Variants in PLCH1 observed in about 807,000 individuals in gnomAD.
PLCH1 encodes the protein 1-phosphatidylinositol 4,5-bisphosphate phosphodiesterase eta-1.
In PLCH1, 60 loss-of-function variants were observed where a neutral mutation model predicts 126.7. The observed-to-expected ratio is 0.47, with a 90% CI of 0.38 to 0.59. The LOEUF is 0.59. Among genes scored for constraint, PLCH1 ranks in the 20% least tolerant of loss-of-function variants. The pLI is 0.00. For synonymous variants in PLCH1, 719 were observed against 734.9 expected, an observed-to-expected ratio of 0.98 and a Z score of 0.35; for missense variants, 1,723 against 2,040.0, an observed-to-expected ratio of 0.84 and a Z score of 2.99.
At chr3:155,729,694 T>C (rs759167110) in intron 1 of PLCH1, among the ~76,000 whole-genome samples, 14 of 152,080 alleles carry the variant, frequency 9.2e-5, no homozygotes, top group Non-Finnish European at 2.1e-4. Flanking sequence ...GAGGCTGAGG[T>C]GGCAGATGGC....
intron 2 of PLCH1, among the ~76,000 whole-genome samples, chr3:155,618,130 G>A (rs1352982920): frequency 6.6e-6 from 1 of 152,120 alleles, no homozygotes; most frequent in Non-Finnish European, 1.5e-5. Context: ...AAACAAATTG[G>A]TTCTACCATG....
intron 14 of PLCH1, among the ~76,000 whole-genome samples, chr3:155,498,859 T>C (rs1351301108): frequency 6.6e-6 from 1 of 152,160 alleles, no homozygotes; most frequent in East Asian, 1.9e-4. Context: ...ACCACCACTC[T>C]CTTCTGCAGT....
intron 15 of PLCH1, 127 bp from the exon 16 acceptor site, chr3:155,494,644 A>C (rs1363067993): frequency 2.8e-6 from 2 of 722,212 alleles, no homozygotes; most frequent in Non-Finnish European, 2.3e-6. Flanking sequence ...GAGTGGATTC[A>C]ACCAGAGTAG....
chr3:155,588,284 A>T (rs1731640525), intron 4 of PLCH1, among the ~76,000 whole-genome samples: 1 of 152,112 alleles, frequency 6.6e-6, no homozygotes, highest in Non-Finnish European at 1.5e-5. Context: ...ACCTCATTTT[A>T]TATGACCCCT....
chr3:155,469,546 A>G (rs370513488), intron 21 of PLCH1, among the ~76,000 whole-genome samples: 89 of 152,222 alleles, frequency 5.8e-4, no homozygotes, highest in Non-Finnish European at 8.7e-4. Context: ...CAAAGCAGCC[A>G]GGAAGCTCAA....
intron 2 of PLCH1, among the ~76,000 whole-genome samples, chr3:155,644,839 G>A (rs2203885): frequency 0.51 from 77,301 of 151,978 alleles, 22,715 homozygotes; most frequent in African/African-American, 0.8. Context: ...TCCTTTTTTA[G>A]AAATCAAATC....
rs150761155 is a variant in PLCH1 at position 155,667,193 on chromosome 3, T to C, written c.79+36953A>G. ...AAAAGCTCAGCCACTATTAGAACTTTCGCTTGTCTTTTGCTATAATTTTAT... is the reference window on the plus strand; with the variant it reads ...AAAAGCTCAGCCACTATTAGAACTTCCGCTTGTCTTTTGCTATAATTTTAT... On this transcript the variant is annotated intron_variant, in intron 2 of 22. Coordinates refer to ENST00000460012, the MANE Select transcript of PLCH1 (RefSeq NM_014996.4). 7.0e-3 allele frequency among the ~76,000 whole-genome samples: 1,064 copies of C among 152,286 alleles called. 6 individuals are homozygous for C. The highest frequency in any genetic ancestry group is 0.021 in the South Asian group (101 of 4,824).
chr3:155,514,618 C>A, intron 12 of PLCH1, 105 bp downstream of exon 12: 1 of 710,170 alleles, frequency 1.4e-6, no homozygotes, highest in Non-Finnish European at 2.1e-6. Context: ...AAAATGAGGA[C>A]AGAAATAGAA....
At chr3:155,650,657 A>G (rs1740607139) in intron 2 of PLCH1, among the ~76,000 whole-genome samples, 1 of 152,260 alleles carries the variant, frequency 6.6e-6, no homozygotes, top group Admixed American at 6.5e-5. Flanking sequence ...CTCATATTCA[A>G]TGAGCTATTA....
chr3:155,470,459 C>G (rs2107982117), intron 21 of PLCH1, among the ~76,000 whole-genome samples: 1 of 152,138 alleles, frequency 6.6e-6, no homozygotes, highest in East Asian at 1.9e-4. Context: ...ATTGGTGTAC[C>G]TGAAAGTGAT....
At chr3:155,553,222 C>A (rs1440490069) in intron 9 of PLCH1, among the ~76,000 whole-genome samples, 5 of 152,202 alleles carry the variant, frequency 3.3e-5, no homozygotes, top group African/African-American at 1.2e-4. Context: ...TCAAGCAAAT[C>A]TCATGCCTCA....
chr3:155,721,632 T>G (rs1460711309), intron 1 of PLCH1, among the ~76,000 whole-genome samples: 2 of 152,216 alleles, frequency 1.3e-5, no homozygotes, highest in Non-Finnish European at 2.9e-5. Flanking sequence ...TTTCTAGGTG[T>G]ACAATCATAT....
chr3:155,707,576 C>G (rs1437977403), intron 1 of PLCH1, among the ~76,000 whole-genome samples: 2 of 151,766 alleles, frequency 1.3e-5, no homozygotes, highest in Non-Finnish European at 2.9e-5. Context: ...GTAATCCCAG[C>G]TACTCGGGAG....
intron 21 of PLCH1, among the ~76,000 whole-genome samples, chr3:155,486,513 G>GTT (rs397733786): frequency 0.011 from 1,150 of 101,910 alleles, 1 homozygote; most frequent in Non-Finnish European, 0.015. Context: ...GCTCAAGTTT[G>GTT]TTTTTTTTTT....
chr3:155,600,602 TAAA>T (rs5853725), intron 2 of PLCH1, among the ~76,000 whole-genome samples: 15 of 128,206 alleles, frequency 1.2e-4, no homozygotes, highest in East Asian at 2.5e-4. Flanking sequence ...TTAAGATAGC[TAAA>T]AAAAAAAAAA....
intron 4 of PLCH1, among the ~76,000 whole-genome samples, chr3:155,587,858 T>C (rs1731589116): frequency 1.3e-5 from 2 of 152,282 alleles, no homozygotes; most frequent in East Asian, 3.9e-4. Flanking sequence ...AGGGGTAGGT[T>C]ACAAAAGGCA....
intron 21 of PLCH1, among the ~76,000 whole-genome samples, chr3:155,460,098 A>T (rs970823533): frequency 1.2e-4 from 18 of 152,186 alleles, no homozygotes; most frequent in African/African-American, 4.1e-4. Context: ...TTTGATTTGT[A>T]CAATCAGAAA....
chr3:155,485,113 G>T (rs1455394120), intron 22 of PLCH1, among the ~76,000 whole-genome samples: 1 of 152,018 alleles, frequency 6.6e-6, no homozygotes, highest in East Asian at 1.9e-4. Context: ...CACACCTAAT[G>T]GCTCCCCTAT....
At chr3:155,605,038 T>C (rs890704016) in intron 2 of PLCH1, among the ~76,000 whole-genome samples, 10 of 152,226 alleles carry the variant, frequency 6.6e-5, no homozygotes, top group Non-Finnish European at 1.5e-4. Context: ...CCATTCAAGT[T>C]GGCCCAGCAG....
Sources: gnomAD v4.1 joint callset for allele counts (sites outside exome capture counted in the v4.1 genomes callset) on GRCh38, gnomAD v4.1.1 for gene constraint, MANE v1.5 for transcripts, NCBI Gene and HGNC (gene_info 2026-07-23, HGNC 2026-07-21) for gene names.